The following DLG2 variants were observed in gnomAD, a reference collection of about 807,000 sequenced individuals.
The protein encoded by DLG2 is discs large MAGUK scaffold protein 2, also known as disks large homolog 2.
In DLG2, 45 loss-of-function variants were observed where a neutral mutation model predicts 132.5. That is an observed-to-expected ratio of 0.34 (90% CI 0.27 to 0.44). The LOEUF is 0.44. Among genes scored for constraint, DLG2 ranks in the 20% least tolerant of loss-of-function variants. DLG2 has a pLI of 1.00. For missense variants in DLG2, 1,045 were observed against 1,196.9 expected (o/e 0.87, Z 1.87); for synonymous variants, 424 against 419.6 (o/e 1.01, Z -0.13).
intron 18 of DLG2, among the ~76,000 whole-genome samples, chr11:83,767,744 CA>C (rs2094204413): frequency 6.8e-6 from 1 of 147,836 alleles, no homozygotes; most frequent in African/African-American, 2.6e-5. Context: ...AGGCACTTTG[CA>C]AGATTAACTT....
At chr11:84,374,407 C>A (rs767518393) in intron 7 of DLG2, among the ~76,000 whole-genome samples, 2 of 152,230 alleles carry the variant, frequency 1.3e-5, no homozygotes, top group Non-Finnish European at 2.9e-5. Context: ...AGGCTGCATG[C>A]AGTCCAGGAT....
intron 6 of DLG2, among the ~76,000 whole-genome samples, chr11:84,948,011 C>A (rs535578585): frequency 6.6e-6 from 1 of 152,238 alleles, no homozygotes; most frequent in Admixed American, 6.5e-5. Flanking sequence ...ATCATAAAAT[C>A]AATTGTCAGG....
At chr11:85,619,160 C>T (rs1459723324) in intron 2 of DLG2, among the ~76,000 whole-genome samples, 1 of 152,110 alleles carries the variant, frequency 6.6e-6, no homozygotes, top group East Asian at 1.9e-4. Flanking sequence ...TATAGCTTAT[C>T]CAAGGTCAAA....
At chr11:84,371,560 C>T (rs577702842) in intron 7 of DLG2, among the ~76,000 whole-genome samples, 1 of 152,236 alleles carries the variant, frequency 6.6e-6, no homozygotes, top group South Asian at 2.1e-4. Context: ...AAAATCTTTT[C>T]TACCAGCACA....
At chr11:84,925,324 C>T (rs575390953) in intron 6 of DLG2, among the ~76,000 whole-genome samples, 1 of 152,130 alleles carries the variant, frequency 6.6e-6, no homozygotes, top group African/African-American at 2.4e-5. Context: ...CCTGTCAAGG[C>T]TATCAGGGAG....
intron 7 of DLG2, among the ~76,000 whole-genome samples, chr11:84,447,338 A>G (rs17734560): frequency 0.084 from 12,809 of 152,222 alleles, 686 homozygotes; most frequent in South Asian, 0.17. Context: ...ATTTTTATTC[A>G]TATTCCAATC....
intron 6 of DLG2, among the ~76,000 whole-genome samples, chr11:84,772,374 TTAGA>T (rs142865773): frequency 0.26 from 39,214 of 151,796 alleles, 5,499 homozygotes; most frequent in Admixed American, 0.3. Flanking sequence ...ACTGACAGCA[TTAGA>T]TAGATCATTG....
At chr11:84,415,955 AT>A (rs926818539) in intron 7 of DLG2, among the ~76,000 whole-genome samples, 1 of 151,988 alleles carries the variant, frequency 6.6e-6, no homozygotes, top group Non-Finnish European at 1.5e-5. Flanking sequence ...TATTGCTGTT[AT>A]TTTTTTCCTC....
intron 6 of DLG2, among the ~76,000 whole-genome samples, chr11:84,964,745 T>G (rs931257591): frequency 1.3e-5 from 2 of 152,088 alleles, no homozygotes; most frequent in Non-Finnish European, 2.9e-5. Context: ...ATTACACCTA[T>G]TGCAGATGTG....
chr11:85,322,964 G>C (rs2152827854), intron 3 of DLG2, among the ~76,000 whole-genome samples: 1 of 152,312 alleles, frequency 6.6e-6, no homozygotes, highest in South Asian at 2.1e-4. Flanking sequence ...GTCTGATCAT[G>C]ATGCACACAC....
At chr11:84,555,392 C>T (rs1302165094) in intron 6 of DLG2, among the ~76,000 whole-genome samples, 1 of 151,842 alleles carries the variant, frequency 6.6e-6, no homozygotes, top group Non-Finnish European at 1.5e-5. Flanking sequence ...TAGAAGCAAC[C>T]CAAATGTTTG....
In DLG2 at chr11:85,301,442, T is replaced by C. The variant is rs543035477; in HGVS notation, c.41-16077A>G. On this transcript the variant is annotated intron_variant, in intron 3 of 27. Transcript: ENST00000376104. ...ATGGATGTGTAAAGCAAATATATGG[T>C]ACAAAAGACAGAGGCATAAAATTCA... Among the ~76,000 whole-genome samples the C allele has an allele frequency of 4.6e-5, 7 of 152,226 alleles. No individual in the cohort carries two copies. In the South Asian group the frequency reaches 1.4e-3, roughly 32 times the overall value.
chr11:85,073,886 T>C (rs1267486242), intron 6 of DLG2, among the ~76,000 whole-genome samples: 2 of 151,836 alleles, frequency 1.3e-5, no homozygotes, highest in East Asian at 3.9e-4. Flanking sequence ...GAATCTGTGG[T>C]ATATATACAC....
chr11:84,802,758 A>G (rs2075562279), intron 6 of DLG2, among the ~76,000 whole-genome samples: 1 of 152,064 alleles, frequency 6.6e-6, no homozygotes. Context: ...GAAAGTAGAA[A>G]AAAGCAATTT....
At chr11:84,091,797 T>C (rs1264983164) in intron 10 of DLG2, among the ~76,000 whole-genome samples, 2 of 152,162 alleles carry the variant, frequency 1.3e-5, no homozygotes, top group African/African-American at 4.8e-5. Flanking sequence ...CTGGACTGTA[T>C]TCATTTTGGG....
At chr11:84,693,023 C>G (rs1003528492) in intron 6 of DLG2, among the ~76,000 whole-genome samples, 5 of 151,690 alleles carry the variant, frequency 3.3e-5, no homozygotes, top group African/African-American at 1.2e-4. Flanking sequence ...TTGACCCACT[C>G]TCCGTGCTCT....
At chr11:83,742,398 G>A (rs1302853287) in intron 18 of DLG2, among the ~76,000 whole-genome samples, 2 of 151,594 alleles carry the variant, frequency 1.3e-5, no homozygotes, top group Admixed American at 1.3e-4. Flanking sequence ...GTACTCTAAG[G>A]AAAAAAAATC....
intron 15 of DLG2, among the ~76,000 whole-genome samples, chr11:83,898,550 A>C (rs1352423102): frequency 1.3e-5 from 2 of 152,078 alleles, no homozygotes. Flanking sequence ...AATACATTAA[A>C]GGACTGTTTT....
At chr11:83,949,555 GA>G (rs2084893451) in intron 14 of DLG2, among the ~76,000 whole-genome samples, 1 of 152,046 alleles carries the variant, frequency 6.6e-6, no homozygotes, top group African/African-American at 2.4e-5. Context: ...TACAGGTAAA[GA>G]AACCAAGGGA....
Sources: allele counts gnomAD v4.1 joint callset (sites outside exome capture counted in the v4.1 genomes callset), GRCh38; gene constraint gnomAD v4.1.1; transcripts MANE v1.5; gene names NCBI Gene and HGNC (gene_info 2026-07-23, HGNC 2026-07-21).